The following LAMC3 variants were observed in gnomAD, a reference collection of about 807,000 sequenced individuals.
The protein encoded by LAMC3 is laminin subunit gamma-3.
A neutral mutation model predicts 173.8 loss-of-function variants in LAMC3; 128 were observed. The observed-to-expected ratio is 0.74, with a 90% confidence interval of 0.64 to 0.85. The LOEUF (loss-of-function observed/expected upper bound fraction) is 0.85, where lower values mean the gene tolerates loss of function less well. Among genes scored for constraint, LAMC3 ranks in the 40% least tolerant of loss-of-function variants. The pLI is 0.00. For missense variants in LAMC3, 2,022 were observed against 2,156.0 expected (o/e 0.94, Z 1.23); for synonymous variants, 897 against 909.1 (o/e 0.99, Z 0.24).
Position 131,026,181 on chromosome 9 carries a change from T to A in LAMC3, c.374-104T>A. The A allele has an allele frequency of 6.4e-7, 1 of 1,560,964 alleles. No individual in the cohort carries two copies. The highest frequency in any genetic ancestry group is 8.7e-7 in the Non-Finnish European group (1 of 1,153,448). ...CAGAGCTCCAGACAGCTTCCAGCGA[T>A]CCATCCACGCTAGTGCCTGCAATGC... On this transcript the variant is annotated intron_variant, in intron 1 of 27. Transcript: ENST00000361069. The surrounding 1 kb of genome is among the most constrained non-coding windows in gnomAD (Gnocchi z 4.8).
intron 8 of LAMC3, among the ~76,000 whole-genome samples, chr9:131,047,184 AGACG>A (rs1297694293): frequency 5.7e-5 from 1 of 17,634 alleles, no homozygotes; most frequent in African/African-American, 1.7e-4. Context: ...TTTTTTTTTA[AGACG>A]GAGTCTCACT....
chr9:131,076,222 C>T (rs1268832002), intron 21 of LAMC3, among the ~76,000 whole-genome samples: 1 of 152,126 alleles, frequency 6.6e-6, no homozygotes, highest in Non-Finnish European at 1.5e-5. Context: ...AACTGGAACC[C>T]AGAGCAACAG....
rs750558299 is a variant in LAMC3, at chr9:131,039,057, G to A, written c.1165+5G>A. The A allele has an allele frequency of 6.2e-7, 1 of 1,612,946 alleles. No individual in the cohort carries two copies. Among genetic ancestry groups the A allele is most frequent in the Non-Finnish European group, 8.5e-7 (1 of 1,179,978 alleles). On this transcript the variant is annotated splice_donor_5th_base_variant and intron_variant, in intron 5 of 27. Transcript: ENST00000361069. ...CCTGTGACTGCCAGTCGGCAGGTGA[G>A]TGGACTCCACATCCCCAGCCTCCGA...
chr9:131,068,013 G>T, intron 14 of LAMC3, 65 bp from the exon 15 acceptor site: 1 of 1,564,408 alleles, frequency 6.4e-7, no homozygotes, highest in South Asian at 1.1e-5. Context: ...GCCTCTGTTG[G>T]ACCCCCAAAG....
intron 24 of LAMC3, 28 bp downstream of exon 24, chr9:131,082,189 T>C: frequency 6.4e-7 from 1 of 1,559,144 alleles, no homozygotes; most frequent in Non-Finnish European, 8.8e-7. Context: ...ACCACTAGGC[T>C]GTGTAATGAC....
At chr9:131,061,482 C>T (rs1373779906) in intron 13 of LAMC3, among the ~76,000 whole-genome samples, 1 of 152,128 alleles carries the variant, frequency 6.6e-6, no homozygotes, top group Non-Finnish European at 1.5e-5. Flanking sequence ...GTATCTGGTC[C>T]CTGGCCCCTT....
At chr9:131,084,926 G>A (rs1484993805) in intron 24 of LAMC3, among the ~76,000 whole-genome samples, 4 of 137,214 alleles carry the variant, frequency 2.9e-5, no homozygotes, top group Non-Finnish European at 4.7e-5. Flanking sequence ...GTGACAGAGC[G>A]AGACCTTGTC....
At chr9:131,012,150 C>T (rs1210973910) in intron 1 of LAMC3, among the ~76,000 whole-genome samples, 1 of 152,052 alleles carries the variant, frequency 6.6e-6, no homozygotes, top group Non-Finnish European at 1.5e-5. Context: ...GAAAACCAGG[C>T]ATATAGGAGA....
chr9:131,063,610 C>T (rs1829873149), intron 13 of LAMC3, among the ~76,000 whole-genome samples: 1 of 152,178 alleles, frequency 6.6e-6, no homozygotes, highest in African/African-American at 2.4e-5. Context: ...AGTCCTGATG[C>T]TCACTTGTCC....
chr9:131,016,432 T>C (rs1171727881), intron 1 of LAMC3, among the ~76,000 whole-genome samples: 2 of 152,214 alleles, frequency 1.3e-5, no homozygotes, highest in African/African-American at 4.8e-5. Context: ...GAAAAGTACA[T>C]GTCAGCCCCG....
chr9:131,077,988 C>T (rs1230309594), intron 22 of LAMC3, among the ~76,000 whole-genome samples: 1 of 152,150 alleles, frequency 6.6e-6, no homozygotes. Flanking sequence ...CTTTCCCTTC[C>T]TGAGCCTCAG....
chr9:131,064,299 A>G (rs1251720398), intron 13 of LAMC3, among the ~76,000 whole-genome samples: 3 of 152,232 alleles, frequency 2.0e-5, no homozygotes, highest in Non-Finnish European at 4.4e-5. Flanking sequence ...CTATTTTTTA[A>G]TTATAAAATT....
At chr9:131,078,780 T>C (rs1057058036) in intron 22 of LAMC3, among the ~76,000 whole-genome samples, 18 of 152,184 alleles carry the variant, frequency 1.2e-4, no homozygotes, top group African/African-American at 4.1e-4. Flanking sequence ...TGGGGAAGCA[T>C]TCCCACTTTG....
In LAMC3 at chr9:131,079,193, C is replaced by G; in HGVS notation, c.3822C>G (p.Ala1274=). 1 of 1,614,058 alleles carries G rather than the reference C, an allele frequency of 6.2e-7. No individual in the cohort carries two copies. Among genetic ancestry groups the G allele is most frequent in the Non-Finnish European group, 8.5e-7 (1 of 1,179,984 alleles). The part of the protein sequence containing the change: ...RAEDLGLKAK[A]LEKTVASWQH... ...AAGACCTGGGCCTGAAGGCGAAGGC[C>G]CTGGAGAAGACAGTTGCATCATGGC... Residue 1274 remains alanine (A), a synonymous_variant, in exon 23 of 28, where the codon GCC becomes GCG. Transcript: ENST00000361069.
At chr9:131,083,249 A>G (rs999018897) in intron 24 of LAMC3, among the ~76,000 whole-genome samples, 6 of 151,994 alleles carry the variant, frequency 3.9e-5, no homozygotes, top group African/African-American at 1.5e-4. Flanking sequence ...TTACCTTCTC[A>G]TTGTCGGGTT....
At chr9:131,046,037 G>A (rs1167942869) in intron 8 of LAMC3, among the ~76,000 whole-genome samples, 1 of 152,208 alleles carries the variant, frequency 6.6e-6, no homozygotes, top group African/African-American at 2.4e-5. Context: ...TGTTTGCCAG[G>A]CACTGTGCTG....
At chr9:131,066,264 G>A (rs1233051420) in intron 13 of LAMC3, among the ~76,000 whole-genome samples, 2 of 151,996 alleles carry the variant, frequency 1.3e-5, no homozygotes, top group African/African-American at 4.8e-5. Context: ...GCCAAGGCGG[G>A]CAGATCACTT....
At position 131,061,071 on chromosome 9, in the gene LAMC3, C is replaced by T; in HGVS notation, c.2195C>T (p.Ser732Phe). The T allele has an allele frequency of 6.2e-7, 1 of 1,614,192 alleles. No homozygotes were observed. The highest frequency in any genetic ancestry group is 8.5e-7 in the Non-Finnish European group (1 of 1,180,040). The change falls in exon 13 of 28, where the codon TCC (serine) becomes TTC (phenylalanine). Residue 732 changes from serine to phenylalanine, a missense_variant. Ser to Phe is a radical substitution (Grantham distance 155). Transcript: ENST00000361069. ...TGCAGCCACCATACCGAGGGCCCAT[C>T]CTGTGAACGCTGTTTGCCAGGTTTC... ...CVCSHHTEGPSCERCLPGFYG... is the reference protein window; with the variant it reads ...CVCSHHTEGPFCERCLPGFYG...
intron 27 of LAMC3, among the ~76,000 whole-genome samples, chr9:131,088,715 C>T (rs1282605954): frequency 6.6e-6 from 1 of 152,164 alleles, no homozygotes; most frequent in African/African-American, 2.4e-5. Context: ...GCTCTGTCCT[C>T]CTGAAACACT....
Sources: allele counts gnomAD v4.1 joint callset (sites outside exome capture counted in the v4.1 genomes callset), GRCh38; gene constraint gnomAD v4.1.1; non-coding constraint Gnocchi (gnomAD v3.1); transcripts MANE v1.5; gene names NCBI Gene and HGNC (gene_info 2026-07-23, HGNC 2026-07-21).